Variants in POLR2C observed in about 807,000 individuals in gnomAD.
The protein encoded by POLR2C is DNA-directed RNA polymerase II subunit RPB3.
Under a neutral mutation model 41.7 loss-of-function variants are expected in POLR2C, and 36 were observed. The ratio of observed to expected loss-of-function variants is 0.86; its 90% CI spans 0.66 to 1.14. The LOEUF is 1.14. Among genes scored for constraint, POLR2C ranks in the 50% most tolerant of loss-of-function variants. POLR2C has a pLI of 0.00. For synonymous variants in POLR2C, 133 were observed against 137.8 expected (o/e 0.96, Z 0.25); for missense variants, 260 against 350.4 (o/e 0.74, Z 2.06).
At chr16:57,463,554 T>C (rs2146598018) in intron 2 of POLR2C, 3 of 417,584 alleles carry the variant, frequency 7.2e-6, no homozygotes, top group Middle Eastern at 6.9e-4. Context: ...CTTCCAGCTC[T>C]AGTAGTCACC....
chr16:57,465,912 T>G (rs1238722105), intron 2 of POLR2C, 41 bp from the exon 3 acceptor site: 4 of 1,312,644 alleles, frequency 3.0e-6, no homozygotes, highest in East Asian at 2.3e-5. Context: ...TGTAGGTAAA[T>G]TTGATGGCTA....
chr16:57,469,046 C>T lies in POLR2C; in HGVS notation c.259-119C>T, dbSNP rs2030768720. ...CAAGAACCTGGATACTGATGAACCC[C>T]TTTTTACAGGTGAAGAAACTTAAGG... is the stretch of plus-strand genomic sequence containing the variant. On this transcript the variant is annotated intron_variant, in intron 4 of 8. Transcript: ENST00000219252. This position sits in a 1 kb window ranked among gnomAD's most constrained non-coding sequence, Gnocchi z 5.8. 2.0e-6 allele frequency: 2 copies of T among 1,007,048 alleles called. No individual in the cohort carries two copies. The highest frequency in any genetic ancestry group is 2.3e-5 in the Admixed American group (1 of 44,268). The allele number at this position is 1,007,048 out of a possible 1,614,324, so 62.4% of individuals were successfully genotyped here. A position where few individuals can be genotyped will look rare whatever the true frequency, so the allele number is the denominator to read the frequency against.
Position 57,469,875 on chromosome 16 carries a change from G to T in POLR2C, c.440-86G>T, listed in dbSNP as rs1177494775. On this transcript the variant is annotated intron_variant, in intron 6 of 8. Transcript: ENST00000219252. This position sits in a 1 kb window ranked among gnomAD's most constrained non-coding sequence, Gnocchi z 5.8. ...GGCTTTAGACCGTTTTTCCAGATGT[G>T]TGTGGTCTTGCAGTGGCACTCCAAG... 1 of 1,580,046 alleles carries T rather than the reference G, an allele frequency of 6.3e-7. No homozygotes were observed.
Position 57,470,073 on chromosome 16 carries a change from T to C in POLR2C, c.552T>C (p.Phe184=). 2 of 1,614,192 alleles carry C rather than the reference T, an allele frequency of 1.2e-6. No homozygotes were observed. Among genetic ancestry groups the C allele is most frequent in the South Asian group, 1.1e-5 (1 of 91,082 alleles). ...GGAACCCTACTGCAGGGGTGGCTTTTGAATACGATCCAGACAATGCCCTGA... is the reference window on the plus strand; with the variant it reads ...GGAACCCTACTGCAGGGGTGGCTTTCGAATACGATCCAGACAATGCCCTGA... ...AKWNPTAGVA[F]EYDPDNALRH... Residue 184 remains phenylalanine (F), a synonymous_variant, in exon 7 of 9, where the codon TTT becomes TTC. Coordinates refer to ENST00000219252, the MANE Select transcript of POLR2C (RefSeq NM_032940.3).
rs2030794982 is a variant in POLR2C, at chr16:57,470,118, G to A, written c.597G>A (p.Lys199=). The change falls in exon 7 of 9, where the codon AAG becomes AAA. Residue 199 remains lysine (K), a synonymous_variant. Coordinates refer to ENST00000219252, the MANE Select transcript of POLR2C (RefSeq NM_032940.3). The part of the protein sequence containing the change: ...DNALRHTVYP[K]PEEWPKSEYS... ...CCCTGAGGCACACAGTGTACCCCAA[G>A]CCCGAGGAATGGTATGTTCCCCTTA... 4 of 1,613,616 alleles carry A rather than the reference G, an allele frequency of 2.5e-6. No homozygotes were observed. Among genetic ancestry groups the A allele is most frequent in the Non-Finnish European group, 3.4e-6 (4 of 1,179,806 alleles).
intron 2 of POLR2C, among the ~76,000 whole-genome samples, chr16:57,465,305 T>C (rs1398066199): frequency 6.6e-6 from 1 of 152,172 alleles, no homozygotes; most frequent in Non-Finnish European, 1.5e-5. Flanking sequence ...TCCAGTGCCA[T>C]TTGATTCCTG....
chr16:57,470,663 CTG>C (rs377138233), intron 8 of POLR2C, among the ~76,000 whole-genome samples: 70 of 152,314 alleles, frequency 4.6e-4, no homozygotes, highest in African/African-American at 1.6e-3. Context: ...CACAGGGTGA[CTG>C]TGAAAGGTCT....
rs1306957092 is a variant in POLR2C, at chr16:57,469,769, T to G, written c.439+8T>G. ...ACTACGTGGAGCAGGATGGTAAGTC[T>G]TCCTGACCTGTCACCGTGTGGGCCA... On this transcript the variant is annotated splice_region_variant and intron_variant, in intron 6 of 8. Transcript: ENST00000219252. The surrounding 1 kb of genome is among the most constrained non-coding windows in gnomAD (Gnocchi z 5.8). The G allele has an allele frequency of 6.2e-7, 1 of 1,610,714 alleles. No homozygotes were observed. Among genetic ancestry groups the G allele is most frequent in the Non-Finnish European group, 8.5e-7 (1 of 1,178,752 alleles).
At chr16:57,470,768 G>A (rs2030815111) in intron 8 of POLR2C, among the ~76,000 whole-genome samples, 1 of 152,212 alleles carries the variant, frequency 6.6e-6, no homozygotes, top group Non-Finnish European at 1.5e-5. Context: ...ACCTTATGAG[G>A]TAGTTGTAGC....
chr16:57,462,807 T>C lies in POLR2C; in HGVS notation c.83T>C (p.Leu28Pro), dbSNP rs2030604084. The change falls in exon 1 of 9, where the codon CTG becomes CCG. Residue 28 changes from leucine to proline, a missense_variant. Coordinates refer to ENST00000219252, the MANE Select transcript of POLR2C (RefSeq NM_032940.3). ...AAGTTCATCATCGAGAACACCGACCTGGCGTAAGGCTACCGAGGGAAGAGG... is the reference window on the plus strand; with the variant it reads ...AAGTTCATCATCGAGAACACCGACCCGGCGTAAGGCTACCGAGGGAAGAGG... ...NVKFIIENTD[L>P]AVANSIRRVF... 1 of 1,529,702 alleles carries C rather than the reference T, an allele frequency of 6.5e-7. No homozygotes were observed. The highest frequency in any genetic ancestry group is 8.8e-7 in the Non-Finnish European group (1 of 1,130,878). 94.8% of individuals were successfully genotyped at this position (1,529,702 alleles called of 1,614,324 possible). A position where few individuals can be genotyped will look rare whatever the true frequency, so the allele number is the denominator to read the frequency against.
At chr16:57,463,505 C>T (rs906085699) in intron 2 of POLR2C, 19 of 371,136 alleles carry the variant, frequency 5.1e-5, no homozygotes, top group African/African-American at 3.4e-4. Flanking sequence ...GAGCATAGTA[C>T]GCAATAGGTA....
intron 8 of POLR2C, among the ~76,000 whole-genome samples, 193 bp from the exon 9 acceptor site, chr16:57,470,782 C>CTTGAGG (rs1320270836): frequency 6.6e-6 from 1 of 152,130 alleles, no homozygotes; most frequent in Non-Finnish European, 1.5e-5. Flanking sequence ...TTGTAGCCTC[C>CTTGAGG]TTGAGGTTGT....
In POLR2C at chr16:57,471,268, A is replaced by G. The variant is rs1158308368; in HGVS notation, c.*149A>G. The G allele has an allele frequency of 1.7e-4, 108 of 654,106 alleles. 3 individuals are homozygous for G. The highest frequency in any genetic ancestry group is 1.6e-5 in the Non-Finnish European group (6 of 375,322). The allele number at this position is 654,106 out of a possible 1,614,324, so 40.5% of individuals were successfully genotyped here. A position where few individuals can be genotyped will look rare whatever the true frequency, so the allele number is the denominator to read the frequency against. On this transcript the variant is annotated 3_prime_UTR_variant, in exon 9 of 9. Transcript: ENST00000219252. ...CATCAGTACCAACTAGAAGTGGGTCATAGATAGATTACCAGGGATGCAGTG... is the reference window on the plus strand; with the variant it reads ...CATCAGTACCAACTAGAAGTGGGTCGTAGATAGATTACCAGGGATGCAGTG...
intron 7 of POLR2C, 23 bp from the exon 8 acceptor site, chr16:57,470,257 T>C (rs1285412668): frequency 6.2e-7 from 1 of 1,609,112 alleles, no homozygotes; most frequent in Non-Finnish European, 8.5e-7. Flanking sequence ...GGCAACCTTG[T>C]GCTGACCTGT....
In POLR2C at chr16:57,469,739, C is replaced by T. The variant is rs755980963; in HGVS notation, c.417C>T (p.Pro139=). ...PVTSRNRDND[P]NDYVEQDDIL... ...CATCCCGGAACCGAGATAATGACCC[C>T]AATGACTACGTGGAGCAGGATGGTA... The change falls in exon 6 of 9, where the codon CCC becomes CCT. Residue 139 remains proline, a synonymous_variant. Coordinates refer to ENST00000219252, the MANE Select transcript of POLR2C (RefSeq NM_032940.3). The surrounding 1 kb of genome is among the most constrained non-coding windows in gnomAD (Gnocchi z 5.8). The T allele has an allele frequency of 3.7e-6, 6 of 1,613,960 alleles. No individual in the cohort carries two copies. The Admixed American group carries it at 1.0e-4, about 27-fold the overall frequency.
rs2030830496 is a variant in POLR2C at position 57,471,256 on chromosome 16, T to C, written c.*137T>C. ...TTCTTGGCAGGACATCAGTACCAAC[T>C]AGAAGTGGGTCATAGATAGATTACC... On this transcript the variant is annotated 3_prime_UTR_variant, in exon 9 of 9. Transcript: ENST00000219252. The C allele has an allele frequency of 4.3e-6, 3 of 705,818 alleles. No individual in the cohort carries two copies. The highest frequency in any genetic ancestry group is 2.3e-5 in the Admixed American group (1 of 42,760). 43.7% of individuals were successfully genotyped at this position (705,818 alleles called of 1,614,324 possible).
Position 57,469,192 on chromosome 16 carries a change from G to A in POLR2C, c.286G>A (p.Glu96Lys). ...CTGCACATGTGAGGAGTTCTGCCCC[G>A]AGTGCTCGGTGGAGTTCACCCTCGA... Reference protein sequence around the residue: ...RDCTCEEFCPECSVEFTLDVR... With the variant: ...RDCTCEEFCPKCSVEFTLDVR... Residue 96 changes from glutamate (E) to lysine (K), a missense_variant, in exon 5 of 9, where the codon GAG (glutamate) becomes AAG (lysine). Glu to Lys is a moderately conservative substitution (Grantham distance 56, BLOSUM62 1). Transcript: ENST00000219252. This position sits in a 1 kb window ranked among gnomAD's most constrained non-coding sequence, Gnocchi z 5.8. 3 of 1,614,162 alleles carry A rather than the reference G, an allele frequency of 1.9e-6. No individual in the cohort carries two copies. Among genetic ancestry groups the A allele is most frequent in the Admixed American group, 1.7e-5 (1 of 60,026 alleles).
At chr16:57,465,842 C>T (rs1399700467) in intron 2 of POLR2C, 111 bp from the exon 3 acceptor site, 9 of 761,308 alleles carry the variant, frequency 1.2e-5, no homozygotes, top group Non-Finnish European at 1.9e-5. Context: ...GGAATCAGCC[C>T]AGCAATCTGC....
At chr16:57,468,237 G>A (rs376713064) in intron 4 of POLR2C, among the ~76,000 whole-genome samples, 32 of 152,180 alleles carry the variant, frequency 2.1e-4, no homozygotes, top group Non-Finnish European at 3.7e-4. Context: ...GGCTAGTCTC[G>A]AACTCTTGGG....
Sources: gnomAD v4.1 joint callset for allele counts (sites outside exome capture counted in the v4.1 genomes callset) on GRCh38, gnomAD v4.1.1 for gene constraint, Gnocchi (gnomAD v3.1) non-coding constraint, MANE v1.5 for transcripts, NCBI Gene and HGNC (gene_info 2026-07-23, HGNC 2026-07-21) for gene names.